Variants in WRN observed in about 807,000 individuals in gnomAD.
WRN encodes the protein WRN RecQ like helicase.
A neutral mutation model predicts 180.7 loss-of-function variants in WRN; 149 were observed. That is an observed-to-expected ratio of 0.82 (90% CI 0.72 to 0.94). The LOEUF (loss-of-function observed/expected upper bound fraction) is 0.94, where lower values mean the gene tolerates loss of function less well. WRN is among the 40% of genes least tolerant of loss of function. The pLI is 0.00. For missense variants in WRN, 1,661 were observed against 1,700.1 expected (o/e 0.98, Z 0.40); for synonymous variants, 548 against 568.9 (o/e 0.96, Z 0.52).
At chr8:31,167,304 AT>A (rs1803938564) in intron 34 of WRN, 74 bp downstream of exon 34, 3 of 1,283,534 alleles carry the variant, frequency 2.3e-6, no homozygotes, top group Non-Finnish European at 2.2e-6. Flanking sequence ...AGAATGCTGT[AT>A]TTTTTTGAAC....
intron 24 of WRN, among the ~76,000 whole-genome samples, chr8:31,134,798 A>G (rs1381526102): frequency 6.6e-6 from 1 of 152,222 alleles, no homozygotes; most frequent in African/African-American, 2.4e-5. Context: ...TGTAATTTTC[A>G]AACTATCTAA....
intron 33 of WRN, among the ~76,000 whole-genome samples, chr8:31,160,786 C>T (rs185635464): frequency 3.9e-5 from 6 of 151,950 alleles, no homozygotes; most frequent in South Asian, 4.2e-4. Flanking sequence ...GTGTTGGAGA[C>T]GAGCCTGACC....
chr8:31,116,543 C>T lies in WRN; in HGVS notation c.2448+15C>T, dbSNP rs1358283632. On this transcript the variant is annotated intron_variant, in intron 20 of 34. Coordinates refer to ENST00000298139, the MANE Select transcript of WRN (RefSeq NM_000553.6). ...ATGAAATTCAGGTATGAGGATCAAT[C>T]ATCATTGCTCTCCGTTGCTCATAGT... 6.2e-7 allele frequency: 1 copy of T among 1,613,252 alleles called. No homozygotes were observed.
chr8:31,152,147 C>G (rs1032596207), intron 31 of WRN, among the ~76,000 whole-genome samples: 5 of 151,776 alleles, frequency 3.3e-5, no homozygotes. Context: ...TGAAATAATA[C>G]TCTTAGGAAG....
intron 17 of WRN, among the ~76,000 whole-genome samples, chr8:31,099,139 C>G (rs959386287): frequency 2.0e-4 from 31 of 151,710 alleles, no homozygotes; most frequent in African/African-American, 6.5e-4. Flanking sequence ...TGGCTCACAC[C>G]TGTAATCCCA....
Position 31,167,186 on chromosome 8 carries a change from T to C in WRN, c.4147T>C (p.Ser1383Pro), listed in dbSNP as rs1186643851. ...TTTTCCCGGTTCTGAAGAGATCTGT[T>C]CAAGTTCTAAGAGAAGCAAGGAAGA... The part of the protein sequence containing the change: ...RCFPGSEEIC[S>P]SSKRSKEEVG... The change falls in exon 34 of 35, where the codon TCA becomes CCA. Residue 1383 changes from serine to proline, a missense_variant. Around this residue, in one of 3 missense-constraint regions of WRN, gnomAD observed 1,141 missense variants for 1,149.4 expected, o/e 0.99. Coordinates refer to ENST00000298139, the MANE Select transcript of WRN (RefSeq NM_000553.6). 6.2e-7 allele frequency: 1 copy of C among 1,613,276 alleles called. No individual in the cohort carries two copies. Among genetic ancestry groups the C allele is most frequent in the South Asian group, 1.1e-5 (1 of 91,044 alleles).
intron 1 of WRN, among the ~76,000 whole-genome samples, chr8:31,055,966 C>T (rs962341798): frequency 5.3e-5 from 8 of 152,214 alleles, no homozygotes; most frequent in African/African-American, 1.9e-4. Context: ...TCCCAAGATA[C>T]AAGTAAATTT....
At position 31,081,248 on chromosome 8, in the gene WRN, G is replaced by C. The variant is rs758386387; in HGVS notation, c.1221G>C (p.Gln407His). 1.2e-6 allele frequency: 2 copies of C among 1,612,948 alleles called. No homozygotes were observed. Among genetic ancestry groups the C allele is most frequent in the East Asian group, 2.2e-5 (1 of 44,824 alleles). Residue 407 changes from glutamine to histidine, a missense_variant, in exon 9 of 35, where the codon CAG (glutamine) becomes CAC (histidine). Physicochemically the swap from Gln to His is conservative, Grantham distance 24 (BLOSUM62 0). Coordinates refer to ENST00000298139, the MANE Select transcript of WRN (RefSeq NM_000553.6). ...AACATGAACTCCAAATTTTGGAACA[G>C]CAGTCTCAGGAAGAATATCTTAGTG... Reference protein sequence around the residue: ...ITEHELQILEQQSQEEYLSDI... With the variant: ...ITEHELQILEHQSQEEYLSDI...
At chr8:31,101,199 A>G (rs1185335187) in intron 18 of WRN, among the ~76,000 whole-genome samples, 1 of 152,244 alleles carries the variant, frequency 6.6e-6, no homozygotes, top group Admixed American at 6.5e-5. Flanking sequence ...TTTATAGGCC[A>G]CATGTAGTCT....
chr8:31,067,673 A>T (rs1250703771), intron 6 of WRN, among the ~76,000 whole-genome samples: 4 of 152,106 alleles, frequency 2.6e-5, no homozygotes, highest in Non-Finnish European at 4.4e-5. Flanking sequence ...TTATATTTAC[A>T]TGTTTGTATG....
intron 21 of WRN, among the ~76,000 whole-genome samples, 164 bp from the exon 22 acceptor site, chr8:31,124,358 A>G (rs1801835973): frequency 6.6e-6 from 1 of 152,052 alleles, no homozygotes; most frequent in Admixed American, 6.6e-5. Flanking sequence ...TTGACTGGAA[A>G]GGAATACAAC....
rs770411396 is a variant in WRN, at chr8:31,154,576, A to C, written c.3688-48A>C. ...CTAATTATCATACATATATTCTATT[A>C]TTGTATTGATATTACTGATCATTTG... is the stretch of plus-strand genomic sequence containing the variant. On this transcript the variant is annotated intron_variant, in intron 31 of 34. Coordinates refer to ENST00000298139, the MANE Select transcript of WRN (RefSeq NM_000553.6). 1.6e-5 allele frequency: 25 copies of C among 1,557,304 alleles called. No homozygotes were observed. In the African/African-American group the frequency reaches 2.7e-4, roughly 17 times the overall value.
chr8:31,101,648 G>A (rs1241202800), intron 18 of WRN, among the ~76,000 whole-genome samples: 2 of 151,828 alleles, frequency 1.3e-5, no homozygotes, highest in East Asian at 1.9e-4. Flanking sequence ...TTAGCTGGGC[G>A]TGGTGGCAGG....
intron 33 of WRN, among the ~76,000 whole-genome samples, chr8:31,161,282 C>T (rs1803605653): frequency 6.6e-6 from 1 of 152,068 alleles, no homozygotes; most frequent in South Asian, 2.1e-4. Flanking sequence ...GAAATATAGT[C>T]ATGTGTCGCT....
chr8:31,136,714 G>A (rs929306563), intron 24 of WRN, among the ~76,000 whole-genome samples: 9 of 152,254 alleles, frequency 5.9e-5, no homozygotes, highest in East Asian at 1.9e-4. Flanking sequence ...ATGTGTGTGC[G>A]TGTAGTCCTC....
intron 1 of WRN, among the ~76,000 whole-genome samples, chr8:31,039,003 G>A (rs1198907498): frequency 6.6e-6 from 1 of 152,176 alleles, no homozygotes; most frequent in Non-Finnish European, 1.5e-5. Flanking sequence ...TAGAAATTGG[G>A]AAACATGAGT....
At chr8:31,170,669 G>GT (rs1804067433) in intron 34 of WRN, among the ~76,000 whole-genome samples, 1 of 152,168 alleles carries the variant, frequency 6.6e-6, no homozygotes, top group Non-Finnish European at 1.5e-5. Flanking sequence ...AGAGTTGGGA[G>GT]TATTAAAAAG....
chr8:31,035,626 A>G (rs1038436508), intron 1 of WRN, among the ~76,000 whole-genome samples: 3 of 152,072 alleles, frequency 2.0e-5, no homozygotes, highest in African/African-American at 7.2e-5. Flanking sequence ...TGTTAGGGAA[A>G]CGTGATCTGA....
chr8:31,105,660 A>G (rs1474295614), intron 18 of WRN, among the ~76,000 whole-genome samples: 2 of 152,076 alleles, frequency 1.3e-5, no homozygotes, highest in Non-Finnish European at 2.9e-5. Flanking sequence ...GGGTTTCACC[A>G]TATTGGCCAG....
Sources: gnomAD v4.1 joint callset for allele counts (sites outside exome capture counted in the v4.1 genomes callset) on GRCh38, gnomAD v4.1.1 for gene constraint, gnomAD v4.1.1 regional missense constraint, MANE v1.5 for transcripts, NCBI Gene and HGNC (gene_info 2026-07-23, HGNC 2026-07-21) for gene names.